ATL2: variants seen among roughly 807,000 people sequenced by gnomAD.
ATL2 encodes atlastin-2.
In ATL2, 31 loss-of-function variants were observed where a neutral mutation model predicts 73.9. That is an observed-to-expected ratio of 0.42 (90% CI 0.32 to 0.57). The LOEUF (loss-of-function observed/expected upper bound fraction) is 0.57. Among genes scored for constraint, ATL2 ranks in the 20% least tolerant of loss-of-function variants. ATL2 has a pLI of 0.14. For missense variants in ATL2, 738 were observed against 702.6 expected (o/e 1.05, Z -0.57); for synonymous variants, 291 against 237.5 (o/e 1.23, Z -2.07).
intron 2 of ATL2, among the ~76,000 whole-genome samples, chr2:38,329,118 A>G (rs1668831806): frequency 6.8e-6 from 1 of 147,430 alleles, no homozygotes; most frequent in African/African-American, 2.5e-5. Context: ...GAACTAGATC[A>G]TCTATTTAAA....
At chr2:38,372,598 A>T (rs1166136571) in intron 1 of ATL2, among the ~76,000 whole-genome samples, 1 of 152,262 alleles carries the variant, frequency 6.6e-6, no homozygotes, top group Non-Finnish European at 1.5e-5. Flanking sequence ...CAATTCCAGA[A>T]GAACTACTTT....
chr2:38,299,471 G>T lies in ATL2; in HGVS notation c.1129-144C>A, dbSNP rs139087819. 4 of 817,696 alleles carry T rather than the reference G, an allele frequency of 4.9e-6. No individual in the cohort carries two copies. The East Asian group carries it at 1.4e-4, about 28-fold the overall frequency. 50.7% of individuals were successfully genotyped at this position (817,696 alleles called of 1,614,324 possible). The stretch of plus-strand genomic sequence containing the variant: ...TCCAGTTTTTCTTTCCTATGCAAGG[G>T]AACGTTGGTATAAAGGATATAATGG... On this transcript the variant is annotated intron_variant, in intron 10 of 12. Coordinates refer to ENST00000378954, the MANE Select transcript of ATL2 (RefSeq NM_001135673.4).
intron 2 of ATL2, among the ~76,000 whole-genome samples, chr2:38,330,822 A>G (rs937651726): frequency 3.9e-5 from 6 of 152,222 alleles, no homozygotes; most frequent in Non-Finnish European, 5.9e-5. Flanking sequence ...TTCAGATTCA[A>G]CCAATCACTG....
chr2:38,356,528 G>A (rs954095015), intron 1 of ATL2, among the ~76,000 whole-genome samples: 1 of 152,078 alleles, frequency 6.6e-6, no homozygotes, highest in Non-Finnish European at 1.5e-5. Context: ...TAAATCTGCT[G>A]TGTATTTTAC....
chr2:38,365,170 C>CACACACACAT (rs1671247572), intron 1 of ATL2, among the ~76,000 whole-genome samples: 2 of 130,834 alleles, frequency 1.5e-5, no homozygotes, highest in South Asian at 4.3e-4. Flanking sequence ...CACACAAATA[C>CACACACACAT]ACACACACAC....
chr2:38,368,081 C>A (rs934694008), intron 1 of ATL2, among the ~76,000 whole-genome samples: 1 of 149,714 alleles, frequency 6.7e-6, no homozygotes, highest in Non-Finnish European at 1.5e-5. Flanking sequence ...ACTACAGGCG[C>A]CTGCCACCAC....
chr2:38,300,220 C>T, intron 10 of ATL2, 52 bp downstream of exon 10: 1 of 1,410,542 alleles, frequency 7.1e-7, no homozygotes. Flanking sequence ...GATTTTTATT[C>T]TCCCTCATAA....
intron 1 of ATL2, among the ~76,000 whole-genome samples, chr2:38,369,463 T>G (rs564616292): frequency 6.6e-6 from 1 of 151,908 alleles, no homozygotes; most frequent in South Asian, 2.1e-4. Context: ...TAAATAAATT[T>G]TTTTAGTAGA....
At chr2:38,377,380 T>TCGC, upstream of ATL2, 1 of 737,996 alleles carries the variant, frequency 1.4e-6, no homozygotes, top group East Asian at 3.2e-5. Context: ...CTGTATCTCC[T>TCGC]CGCCCTCCGC....
intron 2 of ATL2, among the ~76,000 whole-genome samples, chr2:38,327,815 A>C (rs570973971): frequency 8.5e-4 from 129 of 152,282 alleles, no homozygotes; most frequent in African/African-American, 3.0e-3. Flanking sequence ...GGGTGCCTGT[A>C]ATCCCAGCTA....
At chr2:38,315,467 C>A in intron 4 of ATL2, 133 bp from the exon 5 acceptor site, 2 of 870,396 alleles carry the variant, frequency 2.3e-6, no homozygotes, top group South Asian at 1.8e-5. Flanking sequence ...ACTATCTTGA[C>A]AACTGACATG....
intron 1 of ATL2, among the ~76,000 whole-genome samples, chr2:38,373,995 G>A (rs1671828021): frequency 6.6e-6 from 1 of 152,106 alleles, no homozygotes; most frequent in Non-Finnish European, 1.5e-5. Context: ...AGGTTCAAGC[G>A]ATTCTCCTGC....
intron 2 of ATL2, among the ~76,000 whole-genome samples, chr2:38,326,447 T>C (rs1199938363): frequency 6.6e-6 from 1 of 152,070 alleles, no homozygotes; most frequent in African/African-American, 2.4e-5. Flanking sequence ...AAAAATAGAC[T>C]GAAAAGACAA....
At chr2:38,338,227 G>A (rs932694293) in intron 2 of ATL2, among the ~76,000 whole-genome samples, 9 of 152,086 alleles carry the variant, frequency 5.9e-5, no homozygotes, top group African/African-American at 9.7e-5. Context: ...CAAATACCAC[G>A]ATTTTACTTA....
intron 1 of ATL2, among the ~76,000 whole-genome samples, chr2:38,355,142 T>C (rs956431372): frequency 1.3e-5 from 2 of 152,190 alleles, no homozygotes; most frequent in East Asian, 1.9e-4. Context: ...TTTGTTGTTT[T>C]TGAGATGGAG....
At chr2:38,312,356 G>A (rs1240983606) in intron 7 of ATL2, among the ~76,000 whole-genome samples, 1 of 152,042 alleles carries the variant, frequency 6.6e-6, no homozygotes, top group Non-Finnish European at 1.5e-5. Context: ...CACGAGATCT[G>A]GTTGTTAAAA....
At chr2:38,317,771 A>G (rs75266302) in intron 4 of ATL2, among the ~76,000 whole-genome samples, 1,918 of 151,308 alleles carry the variant, frequency 0.013, 49 homozygotes, top group African/African-American at 0.044. Context: ...ATCTGATTTC[A>G]ATTACAGATA....
At chr2:38,342,690 AGT>A (rs1249405700) in intron 2 of ATL2, among the ~76,000 whole-genome samples, 1 of 152,170 alleles carries the variant, frequency 6.6e-6, no homozygotes, top group Non-Finnish European at 1.5e-5. Context: ...CCAAAAGGAA[AGT>A]GTGAAGAAGT....
In ATL2 at chr2:38,365,086, C is replaced by T. The variant is rs188042702; in HGVS notation, c.118+12057G>A. On this transcript the variant is annotated intron_variant, in intron 1 of 12. Coordinates refer to ENST00000378954, the MANE Select transcript of ATL2 (RefSeq NM_001135673.4). ...ACTTTAAGAGTTGTAAAGTATCAAG[C>T]CATAAAAGAACTCTGAAATTTGGGA... Among the ~76,000 whole-genome samples, 48 of 148,098 alleles carry T rather than the reference C, an allele frequency of 3.2e-4. No homozygotes were observed. The East Asian group carries it at 9.3e-3, about 29-fold the overall frequency.
Sources: gnomAD v4.1 joint callset for allele counts (sites outside exome capture counted in the v4.1 genomes callset) on GRCh38, gnomAD v4.1.1 for gene constraint, MANE v1.5 for transcripts, NCBI Gene and HGNC (gene_info 2026-07-23, HGNC 2026-07-21) for gene names.